KCTD9: variants seen among roughly 807,000 people sequenced by gnomAD.
KCTD9 encodes the protein potassium channel tetramerization domain containing 9.
In KCTD9, 17 loss-of-function variants were observed where a neutral mutation model predicts 53.3. The observed-to-expected ratio is 0.32, with a 90% CI of 0.22 to 0.48. The LOEUF (loss-of-function observed/expected upper bound fraction) is 0.48. KCTD9 is among the 20% of genes least tolerant of loss of function. KCTD9 has a pLI of 0.99. For missense variants in KCTD9, 179 were observed against 465.5 expected (o/e 0.38, Z 5.66); for synonymous variants, 128 against 162.7 (o/e 0.79, Z 1.62).
intron 11 of KCTD9, among the ~76,000 whole-genome samples, chr8:25,431,208 A>C (rs1801923815): frequency 6.6e-6 from 1 of 152,172 alleles, no homozygotes. Flanking sequence ...GATGGGGGGA[A>C]GACTTTTTTT....
intron 11 of KCTD9, among the ~76,000 whole-genome samples, chr8:25,430,224 C>G (rs1406453880): frequency 6.6e-6 from 1 of 152,146 alleles, no homozygotes; most frequent in African/African-American, 2.4e-5. Context: ...GTCCCTTGTT[C>G]TTGCATATTT....
intron 2 of KCTD9, among the ~76,000 whole-genome samples, chr8:25,445,714 A>G (rs1218815434): frequency 6.6e-6 from 1 of 152,106 alleles, no homozygotes; most frequent in Non-Finnish European, 1.5e-5. Flanking sequence ...GAATTCTATC[A>G]TATTTATAAA....
intron 6 of KCTD9, 80 bp downstream of exon 6, chr8:25,439,199 G>T: frequency 1.8e-6 from 2 of 1,106,108 alleles, no homozygotes; most frequent in Non-Finnish European, 2.6e-6. Flanking sequence ...TACTGTTACT[G>T]AGTGAAACAA....
intron 1 of KCTD9, 72 bp downstream of exon 1, chr8:25,458,127 C>A (rs1343600573): frequency 2.1e-6 from 3 of 1,438,970 alleles, no homozygotes; most frequent in Non-Finnish European, 2.9e-6. Context: ...ACCGCTGCCC[C>A]GCCAGCCGGT....
Position 25,439,613 on chromosome 8 carries a change from C to CTT in KCTD9, c.361_362dup (p.Asp122ArgfsTer17). On this transcript the variant is annotated frameshift_variant, in exon 5 of 12. Transcript: ENST00000221200. LOFTEE classifies it high-confidence loss of function. ...ACAACGTGTTACACTCACCTTTGTC[C>CTT]TTAAACATGTGGGCCAGCATACTGT... 6.2e-7 allele frequency: 1 copy of CTT among 1,614,080 alleles called. No homozygotes were observed. The highest frequency in any genetic ancestry group is 2.2e-5 in the East Asian group (1 of 44,860).
At chr8:25,439,487 T>C in intron 5 of KCTD9, 80 bp from the exon 6 acceptor site, 2 of 1,563,022 alleles carry the variant, frequency 1.3e-6, no homozygotes, top group Non-Finnish European at 1.7e-6. Flanking sequence ...AATTGCTAAA[T>C]ATAAGTTTTT....
intron 3 of KCTD9, among the ~76,000 whole-genome samples, chr8:25,444,059 A>G (rs1056568184): frequency 1.3e-5 from 2 of 152,166 alleles, no homozygotes; most frequent in African/African-American, 4.8e-5. Context: ...ATGAATATGT[A>G]TACCTCCAGA....
At chr8:25,441,610 T>A (rs1185513249) in intron 3 of KCTD9, among the ~76,000 whole-genome samples, 1 of 152,084 alleles carries the variant, frequency 6.6e-6, no homozygotes. Flanking sequence ...AAATGATTTT[T>A]AAAGACTAAA....
At chr8:25,430,533 A>T (rs1241794949) in intron 11 of KCTD9, among the ~76,000 whole-genome samples, 1 of 152,160 alleles carries the variant, frequency 6.6e-6, no homozygotes, top group African/African-American at 2.4e-5. Context: ...CACTGTCTCC[A>T]ACACCCCCAG....
At position 25,458,271 on chromosome 8, in the gene KCTD9, G is replaced by C; in HGVS notation, c.-25C>G. 1 of 1,609,666 alleles carries C rather than the reference G, an allele frequency of 6.2e-7. No individual in the cohort carries two copies. On this transcript the variant is annotated 5_prime_UTR_variant, in exon 1 of 12. Coordinates refer to ENST00000221200, the MANE Select transcript of KCTD9 (RefSeq NM_017634.4). Reference sequence around the variant, plus strand: ...TCGCGCTGCCCCCGCTGGGTCCTGAGTGAGCCGCCACCCTCCCACCTGGTC... The same window carrying C: ...TCGCGCTGCCCCCGCTGGGTCCTGACTGAGCCGCCACCCTCCCACCTGGTC...
intron 11 of KCTD9, among the ~76,000 whole-genome samples, chr8:25,430,524 A>C (rs1484744042): frequency 6.6e-6 from 1 of 152,184 alleles, no homozygotes; most frequent in Non-Finnish European, 1.5e-5. Flanking sequence ...ATGATCTGTC[A>C]CTGTCTCCAA....
intron 1 of KCTD9, chr8:25,450,387 A>ACAG: frequency 1.0e-6 from 1 of 985,096 alleles, no homozygotes; most frequent in Non-Finnish European, 1.2e-6. Flanking sequence ...TACCTGGCTT[A>ACAG]CAGCAGGTCT....
chr8:25,444,431 C>T (rs1802178580), intron 2 of KCTD9, 96 bp from the exon 3 acceptor site: 4 of 1,181,492 alleles, frequency 3.4e-6, no homozygotes, highest in South Asian at 1.4e-5. Context: ...ATTATATAGA[C>T]AATAGGTTTT....
intron 3 of KCTD9, among the ~76,000 whole-genome samples, chr8:25,442,450 CA>C (rs1802140737): frequency 6.6e-6 from 1 of 152,138 alleles, no homozygotes; most frequent in Non-Finnish European, 1.5e-5. Flanking sequence ...GTATAATTAA[CA>C]CAGAACAAGT....
intron 1 of KCTD9, among the ~76,000 whole-genome samples, chr8:25,455,336 C>T (rs1382991035): frequency 6.6e-6 from 1 of 152,060 alleles, no homozygotes; most frequent in Admixed American, 6.5e-5. Flanking sequence ...TGCACTAGAA[C>T]TTATTTCTAA....
chr8:25,455,084 G>T (rs1333473745), intron 1 of KCTD9, among the ~76,000 whole-genome samples: 2 of 152,064 alleles, frequency 1.3e-5, no homozygotes, highest in African/African-American at 2.4e-5. Context: ...AATTAGCAGG[G>T]CATGGTGGCA....
intron 2 of KCTD9, 120 bp from the exon 3 acceptor site, chr8:25,444,455 A>G: frequency 1.2e-6 from 1 of 859,632 alleles, no homozygotes; most frequent in Non-Finnish European, 1.8e-6. Flanking sequence ...ATCAATCTAG[A>G]CTGCAAAGAA....
At position 25,433,412 on chromosome 8, in the gene KCTD9, C is replaced by T; in HGVS notation, c.837G>A (p.Lys279=). 1.9e-6 allele frequency: 3 copies of T among 1,604,734 alleles called. No homozygotes were observed. The highest frequency in any genetic ancestry group is 2.6e-6 in the Non-Finnish European group (3 of 1,174,484). ...VLDCANLQGV[K]MLCSNAEGAS... ...CTCCTTCTGCATTAGAACAGAGCAT[C>T]TTGACTCCCTGGAGATTCGCACACT... Residue 279 remains lysine, a synonymous_variant, in exon 10 of 12, where the codon AAG becomes AAA. Coordinates refer to ENST00000221200, the MANE Select transcript of KCTD9 (RefSeq NM_017634.4).
intron 1 of KCTD9, among the ~76,000 whole-genome samples, chr8:25,454,051 T>C (rs1802383247): frequency 1.4e-5 from 2 of 147,860 alleles, no homozygotes; most frequent in Admixed American, 6.6e-5. Context: ...TTTTCATTCT[T>C]TGTTGTTGTT....
Sources: gnomAD v4.1 joint callset for allele counts (sites outside exome capture counted in the v4.1 genomes callset) on GRCh38, gnomAD v4.1.1 for gene constraint, MANE v1.5 for transcripts, NCBI Gene and HGNC (gene_info 2026-07-23, HGNC 2026-07-21) for gene names.